LRP1B: variants seen among roughly 807,000 people sequenced by gnomAD.
The protein encoded by LRP1B is LDL receptor related protein 1B.
LRP1B carries 217 observed loss-of-function variants against 556.6 expected under a neutral mutation model. The ratio of observed to expected loss-of-function variants is 0.39; its 90% CI spans 0.35 to 0.44. The LOEUF (loss-of-function observed/expected upper bound fraction) is 0.44. Ranked by LOEUF, LRP1B falls within the 20% of genes least tolerant of loss-of-function variation. LRP1B has a pLI of 1.00. For missense variants in LRP1B, 5,053 were observed against 5,620.8 expected, an observed-to-expected ratio of 0.90 and a Z score of 3.23; for synonymous variants, 2,047 against 1,865.8, an observed-to-expected ratio of 1.10 and a Z score of -2.50.
At chr2:141,598,079 C>T (rs933151593) in intron 2 of LRP1B, among the ~76,000 whole-genome samples, 5 of 139,406 alleles carry the variant, frequency 3.6e-5, no homozygotes, top group African/African-American at 1.2e-4. Context: ...TTAAAAGGTG[C>T]TTTTTTATGA....
chr2:141,781,542 T>C (rs1695255625), intron 2 of LRP1B, among the ~76,000 whole-genome samples: 1 of 152,182 alleles, frequency 6.6e-6, no homozygotes, highest in Non-Finnish European at 1.5e-5. Context: ...TTTCACTCTC[T>C]TCCCAGGTTT....
At chr2:140,235,718 A>G (rs1426174276) in intron 89 of LRP1B, among the ~76,000 whole-genome samples, 1 of 151,086 alleles carries the variant, frequency 6.6e-6, no homozygotes, top group Non-Finnish European at 1.5e-5. Flanking sequence ...TCCTAGAGTA[A>G]ATGTGAAAAT....
At chr2:141,097,452 T>C (rs7581155) in intron 7 of LRP1B, among the ~76,000 whole-genome samples, 55,230 of 151,566 alleles carry the variant, frequency 0.36, 10,507 homozygotes, top group East Asian at 0.67. Flanking sequence ...GAAAAAGGAG[T>C]AGAAACAGGA....
chr2:141,124,591 G>A (rs1701151212), intron 7 of LRP1B, among the ~76,000 whole-genome samples: 1 of 147,220 alleles, frequency 6.8e-6, no homozygotes. Context: ...AACTTTTCCA[G>A]CTTACCTTTT....
chr2:141,290,684 G>GAAACAAAC (rs562784501), intron 3 of LRP1B, among the ~76,000 whole-genome samples: 120 of 152,072 alleles, frequency 7.9e-4, no homozygotes, highest in African/African-American at 2.7e-3. Context: ...GGTTCAGTAG[G>GAAACAAAC]AAACAAACAA....
chr2:141,963,055 A>T (rs4662197), intron 1 of LRP1B, among the ~76,000 whole-genome samples: 131,016 of 151,760 alleles, frequency 0.86, 56,639 homozygotes, highest in East Asian at 1. Flanking sequence ...AAAGTGACAT[A>T]GAGAACACAA....
intron 18 of LRP1B, among the ~76,000 whole-genome samples, chr2:140,964,958 G>T (rs1696158361): frequency 6.6e-6 from 1 of 152,050 alleles, no homozygotes; most frequent in Non-Finnish European, 1.5e-5. Context: ...CAACTCGGGA[G>T]GGAAGGCAAA....
chr2:141,682,678 G>A (rs886918884), intron 2 of LRP1B, among the ~76,000 whole-genome samples: 1 of 151,988 alleles, frequency 6.6e-6, no homozygotes, highest in Non-Finnish European at 1.5e-5. Context: ...ACCTACTTAG[G>A]CATTTGGGGA....
intron 3 of LRP1B, among the ~76,000 whole-genome samples, chr2:141,341,628 T>C (rs1439259183): frequency 6.6e-6 from 1 of 152,200 alleles, no homozygotes; most frequent in Non-Finnish European, 1.5e-5. Flanking sequence ...ACTACAGTTT[T>C]TAGCTTTCCT....
chr2:141,254,402 GA>G, intron 4 of LRP1B, 119 bp downstream of exon 4: 1 of 993,518 alleles, frequency 1.0e-6, no homozygotes. Flanking sequence ...TAAATCTCAA[GA>G]AAGAAAAGTT....
At position 142,093,304 on chromosome 2, in the gene LRP1B, T is replaced by C. The variant is rs1404888665; in HGVS notation, c.82+37344A>G. On this transcript the variant is annotated intron_variant, in intron 1 of 90. Transcript: ENST00000389484. ...ATTCCTAGTTCGCTGTTTTTTATGTTCCTTGAGGGCAGCATCACTTTTACT... is the reference window on the plus strand; with the variant it reads ...ATTCCTAGTTCGCTGTTTTTTATGTCCCTTGAGGGCAGCATCACTTTTACT... 9.2e-5 allele frequency among the ~76,000 whole-genome samples: 14 copies of C among 152,174 alleles called. No individual in the cohort carries two copies. The East Asian group carries it at 2.7e-3, about 29-fold the overall frequency.
chr2:141,887,302 G>A (rs1470844310), intron 1 of LRP1B, among the ~76,000 whole-genome samples: 2 of 152,120 alleles, frequency 1.3e-5, no homozygotes, highest in African/African-American at 2.4e-5. Context: ...AGCCCGGAAT[G>A]GTTGATTTTT....
chr2:140,521,800 T>C (rs560167571), intron 49 of LRP1B, among the ~76,000 whole-genome samples: 24 of 152,002 alleles, frequency 1.6e-4, no homozygotes, highest in African/African-American at 5.5e-4. Flanking sequence ...ATGACACCCA[T>C]AGGCTCAAAG....
At chr2:141,211,287 C>A (rs747047767) in intron 6 of LRP1B, among the ~76,000 whole-genome samples, 2 of 150,926 alleles carry the variant, frequency 1.3e-5, no homozygotes, top group Admixed American at 1.3e-4. Context: ...CATGCCCAGC[C>A]CATTTTTCTT....
intron 2 of LRP1B, among the ~76,000 whole-genome samples, chr2:141,572,318 T>A (rs1023484310): frequency 6.6e-6 from 1 of 152,104 alleles, no homozygotes; most frequent in African/African-American, 2.4e-5. Flanking sequence ...AAATTTCATA[T>A]CCAGCCAAAC....
At chr2:141,767,346 A>T (rs79618277) in intron 2 of LRP1B, among the ~76,000 whole-genome samples, 15,151 of 151,984 alleles carry the variant, frequency 0.1, 1,123 homozygotes, top group African/African-American at 0.2. Context: ...TCCATTCAAA[A>T]ACCTGTGGAT....
At chr2:141,193,718 C>T (rs1006910117) in intron 6 of LRP1B, among the ~76,000 whole-genome samples, 1 of 149,920 alleles carries the variant, frequency 6.7e-6, no homozygotes, top group Non-Finnish European at 1.5e-5. Context: ...GTACCCCGAA[C>T]CTAAAATAAA....
chr2:140,754,753 TCTTG>T (rs920258253), intron 35 of LRP1B, among the ~76,000 whole-genome samples: 4 of 139,282 alleles, frequency 2.9e-5, no homozygotes, highest in African/African-American at 8.2e-5. Flanking sequence ...AACCTAATCT[TCTTG>T]CTTAAGAACT....
chr2:140,697,451 C>T (rs1373059000), intron 41 of LRP1B, among the ~76,000 whole-genome samples: 2 of 151,828 alleles, frequency 1.3e-5, no homozygotes, highest in Admixed American at 6.6e-5. Flanking sequence ...ACAACACTCT[C>T]GTTTTTTTCA....
Sources: allele counts gnomAD v4.1 joint callset (sites outside exome capture counted in the v4.1 genomes callset), GRCh38; gene constraint gnomAD v4.1.1; transcripts MANE v1.5; gene names NCBI Gene and HGNC (gene_info 2026-07-23, HGNC 2026-07-21).